FABP12: variants seen among roughly 807,000 people sequenced by gnomAD.
FABP12 encodes fatty acid binding protein 12, also known as fatty acid-binding protein 12.
FABP12 carries 19 observed loss-of-function variants against 13.7 expected under a neutral mutation model. The ratio of observed to expected loss-of-function variants is 1.39; its 90% CI spans 0.97 to 2.04. The LOEUF (loss-of-function observed/expected upper bound fraction) is 2.04, where lower values mean the gene tolerates loss of function less well. Among genes scored for constraint, FABP12 ranks in the 30% most tolerant of loss-of-function variants. The pLI is 0.00. For missense variants in FABP12, 182 were observed against 164.2 expected (o/e 1.11, Z -0.59); for synonymous variants, 61 against 57.0 (o/e 1.07, Z -0.32).
intron 1 of FABP12, among the ~76,000 whole-genome samples, chr8:81,570,697 T>C (rs187624789): frequency 1.0e-3 from 153 of 152,242 alleles, no homozygotes; most frequent in African/African-American, 3.6e-3. Context: ...CTGCAGCTCT[T>C]GGCAGAGAGG....
chr8:81,557,552 C>T (rs1021611625), intron 1 of FABP12, among the ~76,000 whole-genome samples: 1 of 152,142 alleles, frequency 6.6e-6, no homozygotes, highest in Admixed American at 6.5e-5. Context: ...GAAAGTTAAT[C>T]TGAACACCAC....
At chr8:81,529,159 G>A (rs1808989129) in intron 3 of FABP12, among the ~76,000 whole-genome samples, 1 of 152,146 alleles carries the variant, frequency 6.6e-6, no homozygotes, top group South Asian at 2.1e-4. Context: ...GGACTAAACA[G>A]TAATCTAGGG....
chr8:81,529,668 C>G, intron 2 of FABP12, 58 bp from the exon 3 acceptor site: 1 of 1,393,662 alleles, frequency 7.2e-7, no homozygotes, highest in Non-Finnish European at 9.9e-7. Context: ...AAATACATTA[C>G]ATTACAATAC....
intron 1 of FABP12, among the ~76,000 whole-genome samples, chr8:81,554,428 C>T (rs1809573843): frequency 6.6e-6 from 1 of 152,186 alleles, no homozygotes; most frequent in Non-Finnish European, 1.5e-5. Flanking sequence ...CCCTAAATGG[C>T]AGAGTCAGGA....
chr8:81,574,045 A>T (rs1350579730), intron 1 of FABP12, among the ~76,000 whole-genome samples: 1 of 152,120 alleles, frequency 6.6e-6, no homozygotes, highest in Non-Finnish European at 1.5e-5. Flanking sequence ...CTCAGAGGAA[A>T]TGTTTTCAAC....
chr8:81,557,914 G>A, intron 1 of FABP12, among the ~76,000 whole-genome samples: 1 of 152,130 alleles, frequency 6.6e-6, no homozygotes, highest in Non-Finnish European at 1.5e-5. Flanking sequence ...AGTTTTGAAA[G>A]TAACACCCTG....
intron 1 of FABP12, among the ~76,000 whole-genome samples, chr8:81,547,591 G>A (rs1398747800): frequency 6.6e-6 from 1 of 152,168 alleles, no homozygotes; most frequent in Non-Finnish European, 1.5e-5. Context: ...TCTCTTCCCT[G>A]GAGTGGGACA....
chr8:81,531,176 G>A (rs1368090548), intron 2 of FABP12, 67 bp downstream of exon 2: 2 of 1,030,860 alleles, frequency 1.9e-6, no homozygotes, highest in African/African-American at 1.6e-5. Flanking sequence ...ATTTTATACA[G>A]AGCAAGTTCT....
intron 1 of FABP12, among the ~76,000 whole-genome samples, chr8:81,541,910 T>TAAAAA (rs1167487132): frequency 1.4e-4 from 10 of 71,152 alleles, no homozygotes; most frequent in South Asian, 5.5e-4. Flanking sequence ...TCCCAGGGTT[T>TAAAAA]AAAAAAAAAA....
intron 1 of FABP12, among the ~76,000 whole-genome samples, chr8:81,583,147 A>T (rs2130107771): frequency 6.6e-6 from 1 of 152,318 alleles, no homozygotes; most frequent in South Asian, 2.1e-4. Context: ...GAGCCTCTTG[A>T]ATCAAATGAA....
chr8:81,588,127 C>T (rs1810270162), intron 1 of FABP12, among the ~76,000 whole-genome samples: 1 of 152,194 alleles, frequency 6.6e-6, no homozygotes, highest in East Asian at 1.9e-4. Context: ...GTCTGCCTCT[C>T]CCAGTCCACT....
At chr8:81,538,643 T>C (rs2129979689), upstream of FABP12, among the ~76,000 whole-genome samples, 1 of 152,200 alleles carries the variant, frequency 6.6e-6, no homozygotes, top group Non-Finnish European at 1.5e-5. Flanking sequence ...ATGAAAAAGA[T>C]TCTCCCCCAG....
intron 1 of FABP12, among the ~76,000 whole-genome samples, chr8:81,587,417 C>T (rs1363027802): frequency 1.3e-5 from 2 of 152,098 alleles, no homozygotes; most frequent in African/African-American, 4.8e-5. Flanking sequence ...TTCTTCCTAT[C>T]CATGAGCATG....
At chr8:81,587,483 A>T (rs929592272) in intron 1 of FABP12, among the ~76,000 whole-genome samples, 3 of 151,900 alleles carry the variant, frequency 2.0e-5, no homozygotes, top group Non-Finnish European at 2.9e-5. Flanking sequence ...GTGTTTTGTA[A>T]TTCTCATTGT....
At chr8:81,562,583 C>T (rs546336608) in intron 1 of FABP12, among the ~76,000 whole-genome samples, 1 of 152,176 alleles carries the variant, frequency 6.6e-6, no homozygotes, top group African/African-American at 2.4e-5. Flanking sequence ...TTTACCACAG[C>T]TTGACTGAAG....
chr8:81,540,488 A>G (rs772452351), intron 1 of FABP12, among the ~76,000 whole-genome samples: 1 of 152,188 alleles, frequency 6.6e-6, no homozygotes, highest in Non-Finnish European at 1.5e-5. Flanking sequence ...TCATAACCCA[A>G]ATTTAATCTT....
At chr8:81,584,716 C>A (rs1359737235) in intron 1 of FABP12, among the ~76,000 whole-genome samples, 1 of 152,284 alleles carries the variant, frequency 6.6e-6, no homozygotes, top group East Asian at 1.9e-4. Context: ...TTCTGAGGAA[C>A]CTCCGTACTG....
intron 1 of FABP12, among the ~76,000 whole-genome samples, chr8:81,579,471 C>T (rs1313483601): frequency 6.6e-6 from 1 of 152,112 alleles, no homozygotes; most frequent in Non-Finnish European, 1.5e-5. Context: ...TTTTCCCAGC[C>T]ATGTCATAAA....
intron 1 of FABP12, among the ~76,000 whole-genome samples, chr8:81,548,781 T>C (rs1426344969): frequency 6.6e-6 from 1 of 152,100 alleles, no homozygotes; most frequent in Admixed American, 6.6e-5. Context: ...AGAATGAGTA[T>C]AGCATGTATG....
Sources: allele counts gnomAD v4.1 joint callset (sites outside exome capture counted in the v4.1 genomes callset), GRCh38; gene constraint gnomAD v4.1.1; transcripts MANE v1.5; gene names NCBI Gene and HGNC (gene_info 2026-07-23, HGNC 2026-07-21).